Variants in COL6A3 observed in about 807,000 individuals in gnomAD.
COL6A3 encodes the protein collagen alpha-3(VI) chain.
COL6A3 carries 137 observed loss-of-function variants against 274.1 expected under a neutral mutation model. That is an observed-to-expected ratio of 0.50 (90% CI 0.44 to 0.58). The LOEUF (loss-of-function observed/expected upper bound fraction) is 0.58. Ranked by LOEUF, COL6A3 falls within the 20% of genes least tolerant of loss-of-function variation. The pLI is 0.00. For missense variants in COL6A3, 3,950 were observed against 4,124.9 expected, an observed-to-expected ratio of 0.96 and a Z score of 1.16; for synonymous variants, 1,650 against 1,650.6, an observed-to-expected ratio of 1.00 and a Z score of 0.01.
Position 237,387,626 on chromosome 2 carries a change from G to A in COL6A3, c.1268C>T (p.Ala423Val), listed in dbSNP as rs181264679. 8.7e-6 allele frequency: 14 copies of A among 1,613,778 alleles called. No homozygotes were observed. The Admixed American group carries it at 1.0e-4, about 12-fold the overall frequency. ...EKLLPYIVGV[A>V]QRHIVLKPPT... ...CGGTTTCAAGACAATGTGCCTTTGG[G>A]CCACGCCAACAATGTACGGCAGTAA... Residue 423 changes from alanine to valine, a missense_variant, in exon 4 of 44, where the codon GCC becomes GTC. This residue lies in a region of COL6A3 where 1,934 missense variants were observed against 1,984.3 expected (regional missense o/e 0.97). Transcript: ENST00000295550.
intron 1 of COL6A3, among the ~76,000 whole-genome samples, chr2:237,410,753 T>C (rs1342345890): frequency 6.6e-6 from 1 of 152,250 alleles, no homozygotes; most frequent in Non-Finnish European, 1.5e-5. Flanking sequence ...AAGACATTCA[T>C]GACCACACAT....
intron 32 of COL6A3, 55 bp downstream of exon 32, chr2:237,346,448 C>T: frequency 1.3e-6 from 2 of 1,496,812 alleles, no homozygotes; most frequent in Non-Finnish European, 1.9e-6. Context: ...TTTCAGGGAC[C>T]ACGTGTAAAG....
chr2:237,375,077 C>T, intron 7 of COL6A3, 57 bp from the exon 8 acceptor site: 3 of 1,607,074 alleles, frequency 1.9e-6, no homozygotes, highest in Non-Finnish European at 2.5e-6. Flanking sequence ...AATTTCATAT[C>T]AACGAGGTGG....
Position 237,387,763 on chromosome 2 carries a change from G to A in COL6A3, c.1131C>T (p.Phe377=), listed in dbSNP as rs189772397. 9.6e-5 allele frequency: 155 copies of A among 1,613,960 alleles called. No homozygotes were observed. In the African/African-American group the frequency reaches 1.1e-3, roughly 11 times the overall value. ...TGGAGGCGGCCTGGGCTCCAAGGCC[G>A]AATGAGAACACGCTAGCCTGCTTCA... is the stretch of plus-strand genomic sequence containing the variant. ...VALKQASVFS[F]GLGAQAASRA... is the part of the protein sequence containing the mutation. The change falls in exon 4 of 44, where the codon TTC becomes TTT. Residue 377 remains phenylalanine (F), a synonymous_variant. Coordinates refer to ENST00000295550, the MANE Select transcript of COL6A3 (RefSeq NM_004369.4).
chr2:237,369,834 TTTC>T (rs2077642831), intron 9 of COL6A3, among the ~76,000 whole-genome samples: 1 of 151,922 alleles, frequency 6.6e-6, no homozygotes, highest in South Asian at 2.1e-4. Context: ...TCTATTTCCT[TTTC>T]TTTCTTTTTT....
rs773312102 is a variant in COL6A3, at chr2:237,368,544, T to C, written c.4900+19A>G. ...ATGTTGATGTCACACTCTGTAGTCA[T>C]GGGTCACACGGTGCATACCTGGCCG... On this transcript the variant is annotated intron_variant, in intron 10 of 43. Coordinates refer to ENST00000295550, the MANE Select transcript of COL6A3 (RefSeq NM_004369.4). The surrounding 1 kb of genome is among the most constrained non-coding windows in gnomAD (Gnocchi z 4.4). 6.2e-7 allele frequency: 1 copy of C among 1,613,544 alleles called. No homozygotes were observed. The highest frequency in any genetic ancestry group is 8.5e-7 in the Non-Finnish European group (1 of 1,179,566).
At chr2:237,379,629 G>A (rs2077950353) in intron 5 of COL6A3, among the ~76,000 whole-genome samples, 1 of 152,070 alleles carries the variant, frequency 6.6e-6, no homozygotes, top group Non-Finnish European at 1.5e-5. Flanking sequence ...GATCCTCTGG[G>A]GCTCACCTCT....
intron 36 of COL6A3, chr2:237,342,803 T>TC: frequency 6.5e-6 from 1 of 154,002 alleles, no homozygotes. Context: ...TGTGAATGAA[T>TC]CCCCCCATCA....
In COL6A3 at chr2:237,364,828, T is replaced by G. The variant is rs936685045; in HGVS notation, c.5839-400A>C. 6.7e-6 allele frequency among the ~76,000 whole-genome samples: 1 copy of G among 150,258 alleles called. No individual in the cohort carries two copies. Among genetic ancestry groups the G allele is most frequent in the African/African-American group, 2.5e-5 (1 of 40,790 alleles). On this transcript the variant is annotated intron_variant, in intron 12 of 43. Coordinates refer to ENST00000295550, the MANE Select transcript of COL6A3 (RefSeq NM_004369.4). The surrounding 1 kb of genome is among the most constrained non-coding windows in gnomAD (Gnocchi z 4.6). ...ATGTGTGTGCACGTGTGTGTGCATG[T>G]GTGGGTGTGTGGGTGTACATGTGTG...
intron 3 of COL6A3, among the ~76,000 whole-genome samples, chr2:237,389,114 G>C (rs1009723764): frequency 6.6e-6 from 1 of 152,092 alleles, no homozygotes; most frequent in African/African-American, 2.4e-5. Flanking sequence ...ACAAAGGGCA[G>C]AAAAACAGCT....
chr2:237,336,114 C>T (rs1700528036), intron 40 of COL6A3, 21 bp downstream of exon 40: 1 of 1,612,884 alleles, frequency 6.2e-7, no homozygotes, highest in South Asian at 1.1e-5. Context: ...AAGATGGCAG[C>T]CCTAGCAAGG....
In COL6A3 at chr2:237,356,756, T is replaced by G. The variant is rs566145048; in HGVS notation, c.6591+582A>C. ...TGTGCCCGAGGACCTTGGAAGCTTT[T>G]GGTTGGCTTCAGAAAGATCATTCAC... is the stretch of plus-strand genomic sequence containing the variant. On this transcript the variant is annotated intron_variant, in intron 23 of 43. Coordinates refer to ENST00000295550, the MANE Select transcript of COL6A3 (RefSeq NM_004369.4). 30 of 162,564 alleles carry G rather than the reference T, an allele frequency of 1.8e-4. 1 individual carries two copies. In the South Asian group the frequency reaches 4.7e-3, roughly 25 times the overall value. The allele number at this position is 162,564 out of a possible 1,614,324, so 10.1% of individuals were successfully genotyped here.
chr2:237,369,249 T>C (rs2077628985), intron 9 of COL6A3, 72 bp from the exon 10 acceptor site: 17 of 1,573,388 alleles, frequency 1.1e-5, no homozygotes, highest in Non-Finnish European at 1.5e-5. Context: ...GTGTGCACCT[T>C]GCACCATAAT....
intron 3 of COL6A3, among the ~76,000 whole-genome samples, chr2:237,393,902 A>T (rs1255863989): frequency 1.3e-5 from 2 of 152,194 alleles, no homozygotes; most frequent in African/African-American, 4.8e-5. Context: ...AGTGGTTCTC[A>T]TCAACTCCAT....
intron 4 of COL6A3, among the ~76,000 whole-genome samples, chr2:237,384,419 C>T (rs2078091500): frequency 6.6e-6 from 1 of 152,100 alleles, no homozygotes; most frequent in African/African-American, 2.4e-5. Flanking sequence ...CAGCCCTCCT[C>T]CCACGCCTCT....
At chr2:237,341,304 G>T (rs2076982943) in intron 37 of COL6A3, among the ~76,000 whole-genome samples, 154 bp from the exon 38 acceptor site, 1 of 152,144 alleles carries the variant, frequency 6.6e-6, no homozygotes, top group African/African-American at 2.4e-5. Context: ...CCAGCACTTT[G>T]GGAGGCCGAG....
intron 1 of COL6A3, among the ~76,000 whole-genome samples, chr2:237,409,490 C>T (rs1398640571): frequency 1.3e-5 from 2 of 152,166 alleles, no homozygotes; most frequent in South Asian, 2.1e-4. Flanking sequence ...CTTAAGTAAA[C>T]ATGAGAACAC....
At chr2:237,359,299 A>C (rs770803324) in intron 18 of COL6A3, 49 bp from the exon 19 acceptor site, 1 of 1,614,130 alleles carries the variant, frequency 6.2e-7, no homozygotes, top group South Asian at 1.1e-5. Context: ...TATTCTGGCA[A>C]AGGAAGAAAT....
intron 3 of COL6A3, among the ~76,000 whole-genome samples, chr2:237,390,683 G>A (rs538730015): frequency 2.0e-4 from 30 of 152,188 alleles, no homozygotes; most frequent in South Asian, 1.7e-3. Context: ...CACTGGTGTG[G>A]GCACAATGCC....
Sources: gnomAD v4.1 joint callset for allele counts (sites outside exome capture counted in the v4.1 genomes callset) on GRCh38, gnomAD v4.1.1 for gene constraint, gnomAD v4.1.1 regional missense constraint, Gnocchi (gnomAD v3.1) non-coding constraint, MANE v1.5 for transcripts, NCBI Gene and HGNC (gene_info 2026-07-23, HGNC 2026-07-21) for gene names.